DYNC1I1: variants seen among roughly 807,000 people sequenced by gnomAD.
DYNC1I1 encodes cytoplasmic dynein 1 intermediate chain 1.
DYNC1I1 carries 43 observed loss-of-function variants against 86.6 expected under a neutral mutation model. That is an observed-to-expected ratio of 0.50 (90% CI 0.39 to 0.64). The LOEUF (loss-of-function observed/expected upper bound fraction) is 0.64, where lower values mean the gene tolerates loss of function less well. DYNC1I1 is among the 30% of genes least tolerant of loss of function. DYNC1I1 has a pLI of 0.00. For synonymous variants in DYNC1I1, 262 were observed against 283.7 expected (o/e 0.92, Z 0.77); for missense variants, 604 against 788.8 (o/e 0.77, Z 2.81).
At chr7:95,979,694 G>C (rs1449204945) in intron 7 of DYNC1I1, among the ~76,000 whole-genome samples, 1 of 152,182 alleles carries the variant, frequency 6.6e-6, no homozygotes, top group African/African-American at 2.4e-5. Context: ...ACTGTGCTAG[G>C]TCTCAGACAT....
At chr7:96,004,352 T>C (rs570210888) in intron 10 of DYNC1I1, among the ~76,000 whole-genome samples, 2 of 152,296 alleles carry the variant, frequency 1.3e-5, no homozygotes, top group East Asian at 3.9e-4. Flanking sequence ...TGCTACAAAT[T>C]ATTGTATCCA....
At chr7:95,953,318 G>A (rs1792609949) in intron 6 of DYNC1I1, among the ~76,000 whole-genome samples, 1 of 151,672 alleles carries the variant, frequency 6.6e-6, no homozygotes, top group Non-Finnish European at 1.5e-5. Flanking sequence ...AAAGAAATGG[G>A]TGCTGTAAAA....
intron 14 of DYNC1I1, among the ~76,000 whole-genome samples, chr7:96,066,186 AC>A (rs1255694330): frequency 4.6e-5 from 7 of 152,132 alleles, no homozygotes; most frequent in African/African-American, 1.7e-4. Flanking sequence ...GGAATACCAT[AC>A]TGACTTAACC....
At chr7:95,806,477 G>A (rs932076193) in intron 2 of DYNC1I1, among the ~76,000 whole-genome samples, 5 of 152,212 alleles carry the variant, frequency 3.3e-5, no homozygotes, top group African/African-American at 1.2e-4. Flanking sequence ...AGAGCCCTGG[G>A]AGGTTGGAGG....
chr7:95,825,251 G>T (rs1795179862), intron 4 of DYNC1I1, among the ~76,000 whole-genome samples: 1 of 152,156 alleles, frequency 6.6e-6, no homozygotes, highest in South Asian at 2.1e-4. Flanking sequence ...CTTCTTAAGG[G>T]TATAGTGAGT....
chr7:96,064,224 CT>C (rs1336018908), intron 14 of DYNC1I1, among the ~76,000 whole-genome samples: 2 of 151,064 alleles, frequency 1.3e-5, no homozygotes, highest in African/African-American at 4.9e-5. Flanking sequence ...CTCTCTCTCT[CT>C]CTCTCTCTCT....
chr7:96,083,436 C>T lies in DYNC1I1; in HGVS notation c.1776+2948C>T, dbSNP rs142585665. On this transcript the variant is annotated intron_variant, in intron 16 of 16. Coordinates refer to ENST00000447467, the MANE Select transcript of DYNC1I1 (RefSeq NM_001135556.2). ...AAAAATGACTTCCCTACATCTGAGGCTTAGCTGCAGCCCACTTCTGAAAGA... is the reference window on the plus strand; with the variant it reads ...AAAAATGACTTCCCTACATCTGAGGTTTAGCTGCAGCCCACTTCTGAAAGA... 2.5e-3 allele frequency among the ~76,000 whole-genome samples: 387 copies of T among 152,186 alleles called. 5 individuals carry two copies. The highest frequency in any genetic ancestry group is 8.8e-3 in the African/African-American group (365 of 41,462).
At chr7:95,958,634 T>A (rs1792782007) in intron 6 of DYNC1I1, among the ~76,000 whole-genome samples, 1 of 152,202 alleles carries the variant, frequency 6.6e-6, no homozygotes, top group African/African-American at 2.4e-5. Context: ...CACCCACTTG[T>A]TTGAGACACT....
intron 2 of DYNC1I1, among the ~76,000 whole-genome samples, chr7:95,808,902 C>T (rs1794763930): frequency 6.6e-6 from 1 of 152,158 alleles, no homozygotes; most frequent in Non-Finnish European, 1.5e-5. Flanking sequence ...CACTCTGCAA[C>T]ATCTTTTTTC....
chr7:95,867,530 C>T (rs80144971), intron 5 of DYNC1I1, among the ~76,000 whole-genome samples: 2 of 152,312 alleles, frequency 1.3e-5, no homozygotes, highest in East Asian at 3.9e-4. Flanking sequence ...CTGCTGGTTT[C>T]AGTCCGCCAT....
intron 6 of DYNC1I1, among the ~76,000 whole-genome samples, chr7:95,944,774 C>CA (rs1455038552): frequency 1.3e-5 from 2 of 150,012 alleles, no homozygotes; most frequent in Admixed American, 6.8e-5. Context: ...ATCGCAAGAA[C>CA]AAAAAACCAA....
chr7:95,981,845 C>A (rs972303024), intron 7 of DYNC1I1, among the ~76,000 whole-genome samples: 2 of 152,044 alleles, frequency 1.3e-5, no homozygotes, highest in Non-Finnish European at 2.9e-5. Context: ...ATGCCATGAA[C>A]TTGTTAAAAA....
Position 95,813,290 on chromosome 7 carries a change from C to T in DYNC1I1, c.267C>T (p.Pro89=). ...CCTCCTCGAAATCAGTGAGCACTCC[C>T]AGTGAAGCTGGAAGCCAAGACTCAG... ...MSPSSKSVST[P]SEAGSQDSGD... Residue 89 remains proline (P), a synonymous_variant, in exon 4 of 17, where the codon CCC becomes CCT. Transcript: ENST00000447467. The T allele has an allele frequency of 3.7e-6, 6 of 1,612,382 alleles. No homozygotes were observed. The South Asian group carries it at 5.5e-5, about 15-fold the overall frequency.
At chr7:96,013,384 A>G (rs1352364024) in intron 10 of DYNC1I1, among the ~76,000 whole-genome samples, 1 of 152,214 alleles carries the variant, frequency 6.6e-6, no homozygotes, top group African/African-American at 2.4e-5. Flanking sequence ...TAGTCCTTCC[A>G]ACCTCCAGAG....
rs1461325929 is a variant in DYNC1I1, at chr7:96,097,496, A to G, written c.1790A>G (p.His597Arg). 6.2e-7 allele frequency: 1 copy of G among 1,613,734 alleles called. No individual in the cohort carries two copies. Residue 597 changes from histidine (H) to arginine (R), a missense_variant, in exon 17 of 17, where the codon CAC becomes CGC. Physicochemically the swap from His to Arg is conservative, Grantham distance 29. Coordinates refer to ENST00000447467, the MANE Select transcript of DYNC1I1 (RefSeq NM_001135556.2). ...TTTGCTTTGCAGCTTGCAGTTCCCC[A>G]CAATGATGAATGGACCCGATTTGCC... The part of the protein sequence containing the change: ...VYDVGELAVP[H>R]NDEWTRFART...
intron 14 of DYNC1I1, among the ~76,000 whole-genome samples, chr7:96,058,667 C>G (rs1217733215): frequency 6.6e-6 from 1 of 152,182 alleles, no homozygotes; most frequent in Non-Finnish European, 1.5e-5. Flanking sequence ...CGGAGTCTCA[C>G]TCTGTCGCCC....
intron 1 of DYNC1I1, among the ~76,000 whole-genome samples, chr7:95,788,649 G>A (rs1478776742): frequency 2.6e-5 from 4 of 152,108 alleles, no homozygotes; most frequent in South Asian, 2.1e-4. Context: ...CTTCATCCCC[G>A]TTTTTGTATG....
intron 6 of DYNC1I1, among the ~76,000 whole-genome samples, chr7:95,911,796 C>A (rs868014519): frequency 6.6e-6 from 1 of 152,098 alleles, no homozygotes; most frequent in Non-Finnish European, 1.5e-5. Context: ...GTCTAAGGAT[C>A]TCATCTTGAG....
intron 6 of DYNC1I1, among the ~76,000 whole-genome samples, chr7:95,954,038 A>G (rs952648100): frequency 6.6e-6 from 1 of 152,038 alleles, no homozygotes. Flanking sequence ...CTGCTCTGGA[A>G]ACAGCCCTGT....
Sources: gnomAD v4.1 joint callset for allele counts (sites outside exome capture counted in the v4.1 genomes callset) on GRCh38, gnomAD v4.1.1 for gene constraint, MANE v1.5 for transcripts, NCBI Gene and HGNC (gene_info 2026-07-23, HGNC 2026-07-21) for gene names.